Variants in PTPRM observed in about 807,000 individuals in gnomAD.
PTPRM encodes the protein receptor-type tyrosine-protein phosphatase mu.
PTPRM carries 47 observed loss-of-function variants against 186.7 expected under a neutral mutation model. The observed-to-expected ratio is 0.25, with a 90% CI of 0.20 to 0.32. The LOEUF is 0.32. Ranked by LOEUF, PTPRM falls within the 10% of genes least tolerant of loss-of-function variation. The pLI is 1.00. For synonymous variants in PTPRM, 668 were observed against 674.9 expected, an observed-to-expected ratio of 0.99 and a Z score of 0.16; for missense variants, 1,494 against 1,865.0, an observed-to-expected ratio of 0.80 and a Z score of 3.66.
intron 7 of PTPRM, among the ~76,000 whole-genome samples, chr18:8,034,209 G>A (rs1366482829): frequency 6.6e-6 from 1 of 151,766 alleles, no homozygotes; most frequent in Middle Eastern, 3.2e-3. Flanking sequence ...ATCTTTTGGG[G>A]AACCACTACT....
At chr18:8,325,155 G>C (rs1041541459) in intron 22 of PTPRM, among the ~76,000 whole-genome samples, 28 of 152,138 alleles carry the variant, frequency 1.8e-4, no homozygotes, top group African/African-American at 5.8e-4. Context: ...CTTGTAGGGA[G>C]CTATTTATTT....
intron 23 of PTPRM, among the ~76,000 whole-genome samples, chr18:8,355,292 A>C (rs1022403922): frequency 6.6e-6 from 1 of 152,146 alleles, no homozygotes; most frequent in Non-Finnish European, 1.5e-5. Flanking sequence ...TTTGTCAATA[A>C]ATGCATCTCA....
intron 11 of PTPRM, among the ~76,000 whole-genome samples, chr18:8,109,642 A>G (rs1006663788): frequency 6.6e-6 from 1 of 152,160 alleles, no homozygotes; most frequent in African/African-American, 2.4e-5. Context: ...TGCTTAGATG[A>G]TATTTATATT....
chr18:7,754,424 C>G (rs2144662934), intron 1 of PTPRM, among the ~76,000 whole-genome samples: 1 of 152,282 alleles, frequency 6.6e-6, no homozygotes, highest in East Asian at 1.9e-4. Flanking sequence ...AATAGCTGAA[C>G]AGTGAGTATG....
At chr18:7,843,656 G>A (rs2046456476) in intron 2 of PTPRM, among the ~76,000 whole-genome samples, 1 of 152,138 alleles carries the variant, frequency 6.6e-6, no homozygotes, top group Admixed American at 6.5e-5. Flanking sequence ...TGTTACACTG[G>A]AATATGGAAT....
intron 13 of PTPRM, 38 bp downstream of exon 13, chr18:8,114,865 T>C: frequency 6.4e-7 from 1 of 1,558,236 alleles, no homozygotes; most frequent in Non-Finnish European, 8.8e-7. Context: ...TAATTAATGT[T>C]CCTTAAAAGT....
intron 2 of PTPRM, among the ~76,000 whole-genome samples, chr18:7,823,684 C>T (rs761611656): frequency 4.6e-5 from 7 of 152,144 alleles, no homozygotes; most frequent in Non-Finnish European, 7.3e-5. Context: ...TTCCTGTCCT[C>T]GAACATCGAA....
At position 8,365,177 on chromosome 18, in the gene PTPRM, T is replaced by G. The variant is rs536834992; in HGVS notation, c.3055-5713T>G. Among the ~76,000 whole-genome samples the G allele has an allele frequency of 2.4e-4, 36 of 152,260 alleles. 1 individual carries two copies. In the South Asian group the frequency reaches 7.5e-3, roughly 32 times the overall value. On this transcript the variant is annotated intron_variant, in intron 23 of 32. Transcript: ENST00000580170. ...AAAGCGTAAAGCACCTTGAGTTCCATCCTCCCAAAGGGCCCTGTAGCTGGA... is the reference window on the plus strand; with the variant it reads ...AAAGCGTAAAGCACCTTGAGTTCCAGCCTCCCAAAGGGCCCTGTAGCTGGA...
intron 20 of PTPRM, among the ~76,000 whole-genome samples, chr18:8,298,937 G>A (rs2095125512): frequency 6.6e-6 from 1 of 152,202 alleles, no homozygotes; most frequent in African/African-American, 2.4e-5. Flanking sequence ...AACAAAGCAA[G>A]ACTCTGTCTC....
intron 14 of PTPRM, among the ~76,000 whole-genome samples, chr18:8,173,015 C>A (rs2093427788): frequency 6.6e-6 from 1 of 152,176 alleles, no homozygotes; most frequent in South Asian, 2.1e-4. Context: ...TAATAAGGAA[C>A]TGTACTCAGT....
chr18:7,630,099 A>G (rs777600438), intron 1 of PTPRM, among the ~76,000 whole-genome samples: 2 of 152,106 alleles, frequency 1.3e-5, no homozygotes, highest in Non-Finnish European at 2.9e-5. Context: ...GGTGCCTGAG[A>G]TGGCCACTCT....
chr18:8,076,719 G>A (rs1003987062), intron 9 of PTPRM, among the ~76,000 whole-genome samples, 155 bp downstream of exon 9: 2 of 151,962 alleles, frequency 1.3e-5, no homozygotes, highest in Non-Finnish European at 2.9e-5. Context: ...GAAGAAAATT[G>A]TAAAAATAAG....
Position 7,848,317 on chromosome 18 carries a change from A to C in PTPRM, c.197-39789A>C, listed in dbSNP as rs577522934. Among the ~76,000 whole-genome samples the C allele has an allele frequency of 2.8e-3, 425 of 152,368 alleles. 2 individuals carry two copies. The highest frequency in any genetic ancestry group is 4.5e-3 in the Non-Finnish European group (307 of 68,036). On this transcript the variant is annotated intron_variant, in intron 2 of 32. Transcript: ENST00000580170. ...AGATTTTGTCTTTCTGTAGTCAAAT[A>C]AAACAGTATGAAAATTGCTTGCTCA...
chr18:8,143,536 G>A, intron 13 of PTPRM, 111 bp from the exon 14 acceptor site: 4 of 1,118,424 alleles, frequency 3.6e-6, no homozygotes, highest in Non-Finnish European at 5.2e-6. Flanking sequence ...TCTGTCTGCT[G>A]GCTCTGATAA....
At chr18:8,151,935 C>T (rs191179684) in intron 14 of PTPRM, among the ~76,000 whole-genome samples, 2 of 152,128 alleles carry the variant, frequency 1.3e-5, no homozygotes, top group Admixed American at 6.5e-5. Flanking sequence ...TTGCACTTCC[C>T]GGGTGAGATG....
intron 2 of PTPRM, among the ~76,000 whole-genome samples, chr18:7,824,848 A>G (rs1407356096): frequency 1.3e-5 from 2 of 152,180 alleles, no homozygotes; most frequent in African/African-American, 4.8e-5. Flanking sequence ...CTCTGGCCCC[A>G]GGGAGGCTCT....
intron 1 of PTPRM, among the ~76,000 whole-genome samples, chr18:7,695,605 CAT>C (rs1378790287): frequency 2.6e-5 from 4 of 152,186 alleles, no homozygotes; most frequent in African/African-American, 4.8e-5. Flanking sequence ...CTGTTTTTGA[CAT>C]AGAGTTGTTT....
At chr18:7,906,684 C>A in intron 4 of PTPRM, 101 bp downstream of exon 4, 2 of 948,482 alleles carry the variant, frequency 2.1e-6, no homozygotes, top group Non-Finnish European at 3.4e-6. Flanking sequence ...GGTCATCTTG[C>A]CAAGACAGTT....
At position 7,783,035 on chromosome 18, in the gene PTPRM, A is replaced by G. The variant is rs140889032; in HGVS notation, c.196+8764A>G. 8.6e-3 allele frequency among the ~76,000 whole-genome samples: 1,308 copies of G among 152,312 alleles called. 18 individuals carry two copies. The highest frequency in any genetic ancestry group is 0.029 in the African/African-American group (1,224 of 41,570). ...CTGTGTTTATAAATAATGTGTTTTA[A>G]TAGTTTTATTTCCTGCTTAAATTTC... On this transcript the variant is annotated intron_variant, in intron 2 of 32. Coordinates refer to ENST00000580170, the MANE Select transcript of PTPRM (RefSeq NM_001105244.2).
Sources: allele counts gnomAD v4.1 joint callset (sites outside exome capture counted in the v4.1 genomes callset), GRCh38; gene constraint gnomAD v4.1.1; transcripts MANE v1.5; gene names NCBI Gene and HGNC (gene_info 2026-07-23, HGNC 2026-07-21).